The following HAT1 variants were observed in gnomAD, a reference collection of about 807,000 sequenced individuals.
HAT1 encodes histone acetyltransferase 1.
HAT1 carries 20 observed loss-of-function variants against 56.6 expected under a neutral mutation model. The ratio of observed to expected loss-of-function variants is 0.35; its 90% CI spans 0.25 to 0.51. The LOEUF (loss-of-function observed/expected upper bound fraction) is 0.51. HAT1 is among the 20% of genes least tolerant of loss of function. HAT1 has a pLI of 0.95. For synonymous variants in HAT1, 146 were observed against 165.5 expected, an observed-to-expected ratio of 0.88 and a Z score of 0.91; for missense variants, 408 against 504.3, an observed-to-expected ratio of 0.81 and a Z score of 1.83.
intron 2 of HAT1, among the ~76,000 whole-genome samples, chr2:171,942,371 A>G (rs1178835026): frequency 6.6e-6 from 1 of 152,198 alleles, no homozygotes; most frequent in Non-Finnish European, 1.5e-5. Flanking sequence ...CTACCTCTGT[A>G]TTATAATTTG....
intron 2 of HAT1, among the ~76,000 whole-genome samples, chr2:171,938,454 A>G (rs913776927): frequency 6.6e-6 from 1 of 152,164 alleles, no homozygotes; most frequent in Non-Finnish European, 1.5e-5. Context: ...TGTAATTATA[A>G]TGAAATTATT....
intron 3 of HAT1, among the ~76,000 whole-genome samples, chr2:171,947,782 G>A (rs1687206994): frequency 6.6e-6 from 1 of 152,148 alleles, no homozygotes; most frequent in African/African-American, 2.4e-5. Context: ...GGGAGGCTGA[G>A]GCAGGAGAAT....
At chr2:171,972,265 T>A (rs1189053249) in intron 8 of HAT1, among the ~76,000 whole-genome samples, 1 of 147,340 alleles carries the variant, frequency 6.8e-6, no homozygotes, top group Non-Finnish European at 1.5e-5. Flanking sequence ...TGTTTTTTGG[T>A]GAGGTAGGGG....
chr2:171,931,705 G>A (rs945059283), intron 2 of HAT1, among the ~76,000 whole-genome samples: 2 of 152,150 alleles, frequency 1.3e-5, no homozygotes, highest in Non-Finnish European at 2.9e-5. Flanking sequence ...AGTACAGTCA[G>A]CTCTTTGTAT....
chr2:171,950,471 G>A (rs911809871), intron 3 of HAT1, among the ~76,000 whole-genome samples: 1 of 151,354 alleles, frequency 6.6e-6, no homozygotes, highest in South Asian at 2.1e-4. Flanking sequence ...GTGAGCCACT[G>A]TACCCAGCCA....
intron 8 of HAT1, among the ~76,000 whole-genome samples, chr2:171,971,097 C>T (rs951104197): frequency 2.0e-5 from 3 of 151,972 alleles, no homozygotes; most frequent in Non-Finnish European, 2.9e-5. Context: ...CTACTTGGGA[C>T]GCTGAGGCAG....
At chr2:171,922,745 C>T in intron 1 of HAT1, 2 of 397,412 alleles carry the variant, frequency 5.0e-6, no homozygotes, top group East Asian at 3.6e-5. Flanking sequence ...CCGGCCCCTA[C>T]CGAGGGCCGA....
intron 4 of HAT1, among the ~76,000 whole-genome samples, chr2:171,955,503 TGGG>T (rs1193226495): frequency 1.3e-5 from 2 of 151,262 alleles, no homozygotes; most frequent in Non-Finnish European, 2.9e-5. Context: ...CCCAGCAACT[TGGG>T]GGGCTGAGGC....
At chr2:171,966,119 T>TTAACGGACA in intron 6 of HAT1, 1 of 591,030 alleles carries the variant, frequency 1.7e-6, no homozygotes, top group Non-Finnish European at 3.0e-6. Context: ...GGGCCCTGAA[T>TTAACGGACA]GTAGGCTTAA....
intron 9 of HAT1, among the ~76,000 whole-genome samples, chr2:171,978,342 C>T (rs1688042167): frequency 6.6e-6 from 1 of 152,196 alleles, no homozygotes; most frequent in Non-Finnish European, 1.5e-5. Context: ...CCACCATGTC[C>T]AGCCCTGTCT....
intron 2 of HAT1, among the ~76,000 whole-genome samples, chr2:171,939,310 G>T (rs1238979094): frequency 7.9e-5 from 12 of 152,202 alleles, no homozygotes; most frequent in Admixed American, 7.9e-4. Flanking sequence ...AACAAACCCA[G>T]TGTTCGCTCG....
rs551663784 is a variant in HAT1, at chr2:171,976,631, G to T, written c.975+323G>T. Among the ~76,000 whole-genome samples, 370 of 152,282 alleles carry T rather than the reference G, an allele frequency of 2.4e-3. 1 individual carries two copies. The highest frequency in any genetic ancestry group is 3.4e-3 in the Middle Eastern group (1 of 294). ...CTTATTTTTACTCTTTAAAGTAGTT[G>T]TACCCCTGGAGACATTATTGGTGGG... On this transcript the variant is annotated intron_variant, in intron 9 of 10. Coordinates refer to ENST00000264108, the MANE Select transcript of HAT1 (RefSeq NM_003642.4).
Position 171,965,451 on chromosome 2 carries a change from C to A in HAT1, c.423C>A (p.Thr141=), listed in dbSNP as rs778013942. The A allele has an allele frequency of 1.2e-5, 19 of 1,610,816 alleles. No homozygotes were observed. The highest frequency in any genetic ancestry group is 1.6e-5 in the Non-Finnish European group (19 of 1,177,412). ...EKEVDFKPFG[T]LLHTYSVLSP... is the part of the protein sequence containing the mutation. ...AAGTTGATTTCAAGCCATTCGGAAC[C>A]TTACTTCATACCTACTCAGTTCTCA... Residue 141 remains threonine (T), a synonymous_variant, in exon 5 of 11, where the codon ACC becomes ACA. Transcript: ENST00000264108.
intron 2 of HAT1, among the ~76,000 whole-genome samples, chr2:171,941,541 A>G (rs1383646034): frequency 6.6e-6 from 1 of 152,212 alleles, no homozygotes; most frequent in Admixed American, 6.5e-5. Context: ...CAGTGCTAGT[A>G]TCACTGCCTC....
At chr2:171,925,270 C>T (rs1027074094) in intron 1 of HAT1, among the ~76,000 whole-genome samples, 2 of 151,890 alleles carry the variant, frequency 1.3e-5, no homozygotes, top group African/African-American at 4.8e-5. Flanking sequence ...ACGGGTTTCA[C>T]CATCTTGGCG....
At chr2:171,977,580 A>T (rs1218545948) in intron 9 of HAT1, among the ~76,000 whole-genome samples, 75 of 41,132 alleles carry the variant, frequency 1.8e-3, no homozygotes, top group Non-Finnish European at 3.5e-3. Flanking sequence ...TTTTTTTTTT[A>T]ATGGTGCTTT....
At chr2:171,964,565 A>G (rs1687642864) in intron 4 of HAT1, among the ~76,000 whole-genome samples, 1 of 152,196 alleles carries the variant, frequency 6.6e-6, no homozygotes, top group Admixed American at 6.5e-5. Flanking sequence ...GTAAGACTTC[A>G]TCAAATATTC....
At chr2:171,930,014 A>G (rs772229452) in intron 2 of HAT1, among the ~76,000 whole-genome samples, 1 of 152,218 alleles carries the variant, frequency 6.6e-6, no homozygotes, top group African/African-American at 2.4e-5. Context: ...GAGAATTGCT[A>G]TCTTAATAAC....
At chr2:171,932,273 G>A (rs1490868649) in intron 2 of HAT1, among the ~76,000 whole-genome samples, 1 of 152,032 alleles carries the variant, frequency 6.6e-6, no homozygotes, top group East Asian at 1.9e-4. Context: ...TTGGTATCAA[G>A]GTTTCCTGGC....
Sources: allele counts gnomAD v4.1 joint callset (sites outside exome capture counted in the v4.1 genomes callset), GRCh38; gene constraint gnomAD v4.1.1; transcripts MANE v1.5; gene names NCBI Gene and HGNC (gene_info 2026-07-23, HGNC 2026-07-21).